The following HIPK2 variants were observed in gnomAD, a reference collection of about 807,000 sequenced individuals.
The protein encoded by HIPK2 is homeodomain interacting protein kinase 2.
In HIPK2, 27 loss-of-function variants were observed where a neutral mutation model predicts 113.7. That is an observed-to-expected ratio of 0.24 (90% CI 0.17 to 0.33). The LOEUF (loss-of-function observed/expected upper bound fraction) is 0.33. HIPK2 is among the 10% of genes least tolerant of loss of function. HIPK2 has a pLI of 1.00. For synonymous variants in HIPK2, 631 were observed against 642.2 expected, an observed-to-expected ratio of 0.98 and a Z score of 0.26; for missense variants, 1,257 against 1,588.0, an observed-to-expected ratio of 0.79 and a Z score of 3.54.
chr7:139,699,256 T>C (rs957234079), intron 2 of HIPK2, among the ~76,000 whole-genome samples: 46,693 of 151,928 alleles, frequency 0.31, 8,874 homozygotes, highest in African/African-American at 0.53. Context: ...CCCTTCCTAC[T>C]TGCTAGGAAA....
chr7:139,566,745 C>A lies in HIPK2; in HGVS notation c.*6182G>T, dbSNP rs1364044687. On this transcript the variant is annotated 3_prime_UTR_variant, in exon 15 of 15. Coordinates refer to ENST00000406875, the MANE Select transcript of HIPK2 (RefSeq NM_022740.5). The surrounding 1 kb of genome is among the most constrained non-coding windows in gnomAD (Gnocchi z 4.1). ...TTAGCCCGGGAGTCATGAAAGCATT[C>A]AACAAATGTTGGCTATTATTTACTT... is the stretch of plus-strand genomic sequence containing the variant. 6.6e-6 allele frequency: 1 copy of A among 152,198 alleles called. No homozygotes were observed. Among genetic ancestry groups the A allele is most frequent in the African/African-American group, 2.4e-5 (1 of 41,438 alleles). 9.4% of individuals were successfully genotyped at this position (152,198 alleles called of 1,614,324 possible). A position where few individuals can be genotyped will look rare whatever the true frequency, so the allele number is the denominator to read the frequency against.
At chr7:139,603,410 A>G (rs1048971751) in intron 10 of HIPK2, among the ~76,000 whole-genome samples, 1 of 152,098 alleles carries the variant, frequency 6.6e-6, no homozygotes, top group Admixed American at 6.5e-5. Context: ...AGAGGAGCGC[A>G]TCTGTGAGGA....
At chr7:139,646,443 T>C (rs888789083) in intron 2 of HIPK2, among the ~76,000 whole-genome samples, 42 of 144,328 alleles carry the variant, frequency 2.9e-4, no homozygotes, top group African/African-American at 1.1e-3. Context: ...GAGGCTGCAG[T>C]GAGCTGTGAT....
At chr7:139,759,017 A>C (rs907674985) in intron 1 of HIPK2, among the ~76,000 whole-genome samples, 2 of 152,180 alleles carry the variant, frequency 1.3e-5, no homozygotes, top group Admixed American at 1.3e-4. Context: ...TAAGTAAACC[A>C]AAACATGCAT....
chr7:139,608,772 C>T (rs1213796495), intron 9 of HIPK2, among the ~76,000 whole-genome samples: 2 of 152,138 alleles, frequency 1.3e-5, no homozygotes, highest in Non-Finnish European at 2.9e-5. Flanking sequence ...GACAGGCAGA[C>T]AGCAGGACAA....
rs1436381035 is a variant in HIPK2, at chr7:139,563,696, A to G, written c.*9231T>C. On this transcript the variant is annotated 3_prime_UTR_variant, in exon 15 of 15. Coordinates refer to ENST00000406875, the MANE Select transcript of HIPK2 (RefSeq NM_022740.5). Reference sequence around the variant, plus strand: ...GTATGATTAGGAGGGGTGAGATGAAAACTATTTTACAGTAACATTTCCACC... The same window carrying G: ...GTATGATTAGGAGGGGTGAGATGAAGACTATTTTACAGTAACATTTCCACC... 2.5e-6 allele frequency: 1 copy of G among 397,318 alleles called. No individual in the cohort carries two copies. Among genetic ancestry groups the G allele is most frequent in the Non-Finnish European group, 4.4e-6 (1 of 225,852 alleles). The allele number at this position is 397,318 out of a possible 1,614,324, so 24.6% of individuals were successfully genotyped here.
intron 1 of HIPK2, 158 bp from the exon 2 acceptor site, chr7:139,717,173 A>G: frequency 1.7e-6 from 1 of 573,768 alleles, no homozygotes; most frequent in Non-Finnish European, 2.2e-6. Context: ...TCCACCCAGA[A>G]GCACATTCTG....
At chr7:139,762,667 C>A (rs986699196) in intron 1 of HIPK2, among the ~76,000 whole-genome samples, 1 of 152,198 alleles carries the variant, frequency 6.6e-6, no homozygotes, top group Non-Finnish European at 1.5e-5. Context: ...GCAATTTCCT[C>A]GATTGCAGTT....
rs113333658 is a variant in HIPK2 at position 139,605,646 on chromosome 7, T to C, written c.2113-1423A>G. On this transcript the variant is annotated intron_variant, in intron 9 of 14. Transcript: ENST00000406875. ...AGAGCTGAGTGGACCAGTTCACCTG[T>C]TCCGTTATTTTCATGTTGCACCTGA... Among the ~76,000 whole-genome samples the C allele has an allele frequency of 4.3e-3, 648 of 152,276 alleles. 2 individuals are homozygous for C. The highest frequency in any genetic ancestry group is 0.014 in the African/African-American group (597 of 41,556).
intron 9 of HIPK2, among the ~76,000 whole-genome samples, chr7:139,612,485 A>ATT (rs1799870315): frequency 6.6e-6 from 1 of 152,200 alleles, no homozygotes; most frequent in Non-Finnish European, 1.5e-5. Flanking sequence ...TGAGCAAGTT[A>ATT]TTCTGCTTCA....
rs1798045255 is a variant in HIPK2, at chr7:139,564,779, C to T, written c.*8148G>A. The T allele has an allele frequency of 6.6e-6, 1 of 152,174 alleles. No individual in the cohort carries two copies. The highest frequency in any genetic ancestry group is 1.9e-4 in the East Asian group (1 of 5,202). 9.4% of individuals were successfully genotyped at this position (152,174 alleles called of 1,614,324 possible). A position where few individuals can be genotyped will look rare whatever the true frequency, so the allele number is the denominator to read the frequency against. ...AAATGTAAACTATAAAACACTTTAA[C>T]TATAAAACGTAGCCAGAAATATGCT... On this transcript the variant is annotated 3_prime_UTR_variant, in exon 15 of 15. Coordinates refer to ENST00000406875, the MANE Select transcript of HIPK2 (RefSeq NM_022740.5).
chr7:139,750,496 G>A (rs142946392), intron 1 of HIPK2, among the ~76,000 whole-genome samples: 35 of 152,240 alleles, frequency 2.3e-4, no homozygotes, highest in Middle Eastern at 6.8e-3. Context: ...ACACACATGC[G>A]TGAACACGCC....
chr7:139,567,942 T>G lies in HIPK2; in HGVS notation c.*4985A>C, dbSNP rs1178715217. 6.6e-6 allele frequency: 1 copy of G among 152,296 alleles called. No individual in the cohort carries two copies. The highest frequency in any genetic ancestry group is 1.5e-5 in the Non-Finnish European group (1 of 68,134). 9.4% of individuals were successfully genotyped at this position (152,296 alleles called of 1,614,324 possible). A position where few individuals can be genotyped will look rare whatever the true frequency, so the allele number is the denominator to read the frequency against. On this transcript the variant is annotated 3_prime_UTR_variant, in exon 15 of 15. Coordinates refer to ENST00000406875, the MANE Select transcript of HIPK2 (RefSeq NM_022740.5). ...GGGGCGAGCTGGGTCCCCACGTCGC[T>G]CTCTCAACCATGAGCCATCAGTAAT... is the stretch of plus-strand genomic sequence containing the variant.
intron 10 of HIPK2, among the ~76,000 whole-genome samples, chr7:139,602,764 T>C (rs1799480942): frequency 6.6e-6 from 1 of 152,212 alleles, no homozygotes; most frequent in East Asian, 1.9e-4. Context: ...ATGCCTGTCA[T>C]GTACCGGGCA....
At chr7:139,644,095 G>A (rs1801125692) in intron 2 of HIPK2, among the ~76,000 whole-genome samples, 1 of 152,192 alleles carries the variant, frequency 6.6e-6, no homozygotes, top group African/African-American at 2.4e-5. Context: ...ATGGAACCAT[G>A]TGTCTCTGCA....
intron 7 of HIPK2, among the ~76,000 whole-genome samples, chr7:139,619,550 T>C (rs141539167): frequency 1.3e-5 from 2 of 152,284 alleles, no homozygotes; most frequent in Non-Finnish European, 2.9e-5. Flanking sequence ...CCTGATCCCA[T>C]TTAGTTCCAG....
intron 2 of HIPK2, among the ~76,000 whole-genome samples, chr7:139,666,338 G>A (rs760166846): frequency 2.6e-5 from 4 of 152,192 alleles, no homozygotes; most frequent in Non-Finnish European, 4.4e-5. Context: ...GGGCTGCCGT[G>A]GTGTGTCCTC....
chr7:139,677,909 A>G lies in HIPK2; in HGVS notation c.1103+38023T>C, dbSNP rs539263371. ...GTTTCCTGACTTTTTAATGATCGCC[A>G]TTCTAACTGGTGTGAGATGGTATCT... On this transcript the variant is annotated intron_variant, in intron 2 of 14. Transcript: ENST00000406875. Among the ~76,000 whole-genome samples, 202 of 152,346 alleles carry G rather than the reference A, an allele frequency of 1.3e-3. 1 individual carries two copies. The highest frequency in any genetic ancestry group is 4.7e-3 in the African/African-American group (196 of 41,576).
At chr7:139,607,420 T>C (rs1799657412) in intron 9 of HIPK2, among the ~76,000 whole-genome samples, 1 of 152,078 alleles carries the variant, frequency 6.6e-6, no homozygotes, top group African/African-American at 2.4e-5. Flanking sequence ...GTGAGTCCAC[T>C]GTGGATGAGG....
Sources: gnomAD v4.1 joint callset for allele counts (sites outside exome capture counted in the v4.1 genomes callset) on GRCh38, gnomAD v4.1.1 for gene constraint, Gnocchi (gnomAD v3.1) non-coding constraint, MANE v1.5 for transcripts, NCBI Gene and HGNC (gene_info 2026-07-23, HGNC 2026-07-21) for gene names.